TMEM232: variants seen among roughly 807,000 people sequenced by gnomAD.
TMEM232 encodes the protein transmembrane protein 232.
Under a neutral mutation model 78.8 loss-of-function variants are expected in TMEM232, and 80 were observed. The observed-to-expected ratio is 1.01, with a 90% CI of 0.85 to 1.22. The LOEUF (loss-of-function observed/expected upper bound fraction) is 1.22, where lower values mean the gene tolerates loss of function less well. Ranked by LOEUF, TMEM232 falls within the 50% of genes most tolerant of loss-of-function variation. TMEM232 has a pLI of 0.00. For missense variants in TMEM232, 881 were observed against 742.2 expected, an observed-to-expected ratio of 1.19 and a Z score of -2.17; for synonymous variants, 297 against 254.3, an observed-to-expected ratio of 1.17 and a Z score of -1.60.
chr5:110,478,897 A>ATTTT (rs746104997), intron 12 of TMEM232, among the ~76,000 whole-genome samples: 14 of 111,770 alleles, frequency 1.3e-4, no homozygotes, highest in East Asian at 2.5e-4. Context: ...GGAGAAATTG[A>ATTTT]TTTTTTTTTT....
At chr5:110,596,477 C>A (rs1469898634) in intron 10 of TMEM232, among the ~76,000 whole-genome samples, 5 of 152,134 alleles carry the variant, frequency 3.3e-5, no homozygotes, top group Non-Finnish European at 7.4e-5. Flanking sequence ...CTATTCCAAT[C>A]AACAGAAAAA....
At chr5:110,474,574 G>A (rs748419290) in intron 12 of TMEM232, among the ~76,000 whole-genome samples, 6 of 151,806 alleles carry the variant, frequency 4.0e-5, no homozygotes, top group Non-Finnish European at 5.9e-5. Context: ...ATGAGGAAAG[G>A]CAAGGACATA....
chr5:110,521,501 T>C (rs1769500505), intron 12 of TMEM232, among the ~76,000 whole-genome samples: 1 of 152,202 alleles, frequency 6.6e-6, no homozygotes, highest in Admixed American at 6.5e-5. Flanking sequence ...CCCGGAGTTT[T>C]GGTGTCATAT....
At chr5:110,457,609 T>C (rs1015391270) in intron 12 of TMEM232, among the ~76,000 whole-genome samples, 2 of 152,112 alleles carry the variant, frequency 1.3e-5, no homozygotes, top group Admixed American at 1.3e-4. Flanking sequence ...GTCCTTGAAT[T>C]GATGTATGAA....
intron 2 of TMEM232, among the ~76,000 whole-genome samples, chr5:110,412,495 T>C (rs1195414744): frequency 6.6e-6 from 1 of 152,134 alleles, no homozygotes; most frequent in Admixed American, 6.5e-5. Context: ...ACCATTGATA[T>C]GTCGAATATG....
In TMEM232 at chr5:110,550,245, A is replaced by G. The variant is rs546603133; in HGVS notation, c.1455+18202T>C. Among the ~76,000 whole-genome samples the G allele has an allele frequency of 1.1e-4, 17 of 152,276 alleles. No homozygotes were observed. In the East Asian group the frequency reaches 1.2e-3, roughly 10 times the overall value. On this transcript the variant is annotated intron_variant, in intron 11 of 13. Coordinates refer to ENST00000455884, the MANE Select transcript of TMEM232 (RefSeq NM_001039763.4). ...CATGAAATGTATTTGGTAAAATTCT[A>G]TATCAATTCATAATAAAAGTTCTTG...
chr5:110,587,257 C>CA (rs960962144), intron 10 of TMEM232, among the ~76,000 whole-genome samples: 2 of 151,810 alleles, frequency 1.3e-5, no homozygotes, highest in Non-Finnish European at 2.9e-5. Context: ...AAAAACAGCA[C>CA]AAAATACACC....
At chr5:110,536,325 C>A (rs1314047277) in intron 11 of TMEM232, among the ~76,000 whole-genome samples, 1 of 152,192 alleles carries the variant, frequency 6.6e-6, no homozygotes, top group Admixed American at 6.5e-5. Flanking sequence ...TGTTTCCTAG[C>A]AGCTCCTTGG....
At chr5:110,524,837 A>G (rs1381317136) in intron 12 of TMEM232, among the ~76,000 whole-genome samples, 1 of 152,096 alleles carries the variant, frequency 6.6e-6, no homozygotes. Flanking sequence ...TTGGGTACAT[A>G]TATATTTATA....
chr5:110,701,474 A>G (rs1795431997), intron 1 of TMEM232, among the ~76,000 whole-genome samples: 1 of 152,042 alleles, frequency 6.6e-6, no homozygotes, highest in Admixed American at 6.6e-5. Flanking sequence ...CTTATAGGAA[A>G]GGATAGAGAT....
At chr5:110,579,071 A>G (rs1457864387) in intron 10 of TMEM232, among the ~76,000 whole-genome samples, 1 of 151,852 alleles carries the variant, frequency 6.6e-6, no homozygotes, top group African/African-American at 2.4e-5. Context: ...AGATATCAAA[A>G]GTATAGGAGA....
intron 7 of TMEM232, among the ~76,000 whole-genome samples, chr5:110,622,391 A>C (rs149054220): frequency 1.9e-3 from 294 of 152,306 alleles, no homozygotes; most frequent in Admixed American, 6.3e-3. Context: ...GTTTAAATCT[A>C]CCTTCTCCAA....
At chr5:110,547,960 T>C (rs1773982288) in intron 11 of TMEM232, among the ~76,000 whole-genome samples, 1 of 137,170 alleles carries the variant, frequency 7.3e-6, no homozygotes, top group South Asian at 2.2e-4. Flanking sequence ...ATCACGCCGC[T>C]GCACTCCAGC....
At chr5:110,604,383 C>A (rs1204756123) in intron 10 of TMEM232, among the ~76,000 whole-genome samples, 1 of 151,876 alleles carries the variant, frequency 6.6e-6, no homozygotes, top group Non-Finnish European at 1.5e-5. Flanking sequence ...ATTTGATGGA[C>A]TATAAGATGT....
At chr5:110,668,457 T>C (rs913601922) in intron 1 of TMEM232, among the ~76,000 whole-genome samples, 1 of 152,070 alleles carries the variant, frequency 6.6e-6, no homozygotes, top group African/African-American at 2.4e-5. Context: ...CAAACCAAAC[T>C]AGAAGCCAGA....
At chr5:110,489,067 GAA>G (rs752957826) in intron 12 of TMEM232, among the ~76,000 whole-genome samples, 12 of 151,830 alleles carry the variant, frequency 7.9e-5, no homozygotes, top group Non-Finnish European at 1.3e-4. Context: ...TAACAAAAAA[GAA>G]AGTCTCAAAA....
chr5:110,700,347 A>G (rs754498712), intron 1 of TMEM232, among the ~76,000 whole-genome samples: 2 of 152,054 alleles, frequency 1.3e-5, no homozygotes, highest in Non-Finnish European at 2.9e-5. Flanking sequence ...TGGATGAGCA[A>G]TTGGCCAATG....
At chr5:110,683,393 C>T (rs897031362) in intron 1 of TMEM232, among the ~76,000 whole-genome samples, 9 of 151,592 alleles carry the variant, frequency 5.9e-5, no homozygotes, top group African/African-American at 2.2e-4. Context: ...CACACACACA[C>T]ATATATATGT....
At chr5:110,605,621 A>T (rs1415303725) in intron 9 of TMEM232, among the ~76,000 whole-genome samples, 8 of 152,078 alleles carry the variant, frequency 5.3e-5, no homozygotes, top group Admixed American at 3.9e-4. Flanking sequence ...ATGAGATACT[A>T]TTTTCCATAT....
Sources: allele counts gnomAD v4.1 joint callset (sites outside exome capture counted in the v4.1 genomes callset), GRCh38; gene constraint gnomAD v4.1.1; transcripts MANE v1.5; gene names NCBI Gene and HGNC (gene_info 2026-07-23, HGNC 2026-07-21).